LHX1: variants seen among roughly 807,000 people sequenced by gnomAD.
The protein encoded by LHX1 is LIM/homeobox protein Lhx1.
A neutral mutation model predicts 34.1 loss-of-function variants in LHX1; 9 were observed. That is an observed-to-expected ratio of 0.26 (90% CI 0.16 to 0.46). LHX1 has a LOEUF of 0.46. Ranked by LOEUF, LHX1 falls within the 20% of genes least tolerant of loss-of-function variation. The pLI is 1.00. For missense variants in LHX1, 446 were observed against 559.1 expected (o/e 0.80, Z 2.04); for synonymous variants, 254 against 241.5 (o/e 1.05, Z -0.48).
intron 3 of LHX1, chr17:36,941,166 C>T: frequency 1.4e-6 from 1 of 697,206 alleles, no homozygotes; most frequent in Non-Finnish European, 2.6e-6. Context: ...GTTGAACACT[C>T]TGGAGAGAGT....
chr17:36,942,629 C>G, intron 4 of LHX1, 123 bp from the exon 5 acceptor site: 1 of 1,169,660 alleles, frequency 8.5e-7, no homozygotes, highest in South Asian at 1.7e-5. Flanking sequence ...GAGGGCTCCC[C>G]GCGATCCGCG....
chr17:36,943,030 G>A lies in LHX1; in HGVS notation c.1120G>A (p.Gly374Arg). The A allele has an allele frequency of 2.5e-6, 4 of 1,607,380 alleles. No individual in the cohort carries two copies. The highest frequency in any genetic ancestry group is 1.1e-5 in the South Asian group (1 of 90,928). ...GCACTCCATGTCGGCCGAGGTCTTC[G>A]GACCCAGCCCGCCCTTCTCGTCGCT... ...PLHSMSAEVF[G>R]PSPPFSSLSV... The change falls in exon 5 of 5, where the codon GGA becomes AGA. Residue 374 changes from glycine to arginine, a missense_variant. This residue lies in a region of LHX1 where 235 missense variants were observed against 224.4 expected (regional missense o/e 1.05). Transcript: ENST00000614239.
upstream of LHX1, chr17:36,936,975 A>G: frequency 3.9e-6 from 1 of 254,510 alleles, no homozygotes; most frequent in South Asian, 3.0e-5. Context: ...CTGCGCCAGG[A>G]CATTTTTTTT....
chr17:36,942,606 C>A (rs2142185380), intron 4 of LHX1, 146 bp from the exon 5 acceptor site: 3 of 1,010,964 alleles, frequency 3.0e-6, no homozygotes, highest in East Asian at 2.8e-5. Context: ...CTCCTCCCTG[C>A]ACCCAGGCCC....
Position 36,943,745 on chromosome 17 carries a change from C to A in LHX1, c.*614C>A, listed in dbSNP as rs1255236983. 2 of 151,748 alleles carry A rather than the reference C, an allele frequency of 1.3e-5. No homozygotes were observed. The highest frequency in any genetic ancestry group is 6.6e-5 in the Admixed American group (1 of 15,252). 9.4% of individuals were successfully genotyped at this position (151,748 alleles called of 1,614,324 possible). A position where few individuals can be genotyped will look rare whatever the true frequency, so the allele number is the denominator to read the frequency against. ...TCTGGATTTTTGGTTTTTGTTTTTG[C>A]CAAAATTGCAAAATTCTAAATGTAA... On this transcript the variant is annotated 3_prime_UTR_variant, in exon 5 of 5. Transcript: ENST00000614239.
chr17:36,942,701 C>T, intron 4 of LHX1, 51 bp from the exon 5 acceptor site: 1 of 1,440,938 alleles, frequency 6.9e-7, no homozygotes, highest in Non-Finnish European at 9.1e-7. Context: ...TTCGGTCCCG[C>T]CGGCCCCCGG....
At position 36,943,303 on chromosome 17, in the gene LHX1, C is replaced by T; in HGVS notation, c.*172C>T. ...GAAAAGGGGGACACGAAATAGGATCCAAATCGGCCTCGAGGTGGGACTGGG... is the reference window on the plus strand; with the variant it reads ...GAAAAGGGGGACACGAAATAGGATCTAAATCGGCCTCGAGGTGGGACTGGG... On this transcript the variant is annotated 3_prime_UTR_variant, in exon 5 of 5. Transcript: ENST00000614239. The T allele has an allele frequency of 1.2e-6, 1 of 808,660 alleles. No homozygotes were observed. Among genetic ancestry groups the T allele is most frequent in the East Asian group, 2.9e-5 (1 of 34,634 alleles). 50.1% of individuals were successfully genotyped at this position (808,660 alleles called of 1,614,324 possible).
intron 1 of LHX1, 32 bp from the exon 2 acceptor site, chr17:36,940,258 C>CCCGGG: frequency 1.9e-6 from 1 of 528,900 alleles, no homozygotes; most frequent in Non-Finnish European, 3.3e-6. Context: ...GACCCATCCC[C>CCCGGG]GCCCCCGCCC....
At chr17:36,939,197 AATTAT>A (rs1254289889) in intron 1 of LHX1, among the ~76,000 whole-genome samples, 2 of 152,152 alleles carry the variant, frequency 1.3e-5, no homozygotes, top group Non-Finnish European at 2.9e-5. Flanking sequence ...TTAGCATTTT[AATTAT>A]ATTATCGTAC....
At chr17:36,937,300 C>T, upstream of LHX1, 2 of 426,700 alleles carry the variant, frequency 4.7e-6, no homozygotes, top group Non-Finnish European at 4.7e-6. Context: ...GGGAGGGTCG[C>T]CCTGAGGACA....
intron 1 of LHX1, among the ~76,000 whole-genome samples, chr17:36,939,430 A>T (rs1374373617): frequency 6.6e-6 from 1 of 152,194 alleles, no homozygotes; most frequent in African/African-American, 2.4e-5. Context: ...CGCTGTCCCC[A>T]GTGCCGCTCC....
intron 1 of LHX1, chr17:36,939,977 T>C: frequency 1.8e-6 from 1 of 549,280 alleles, no homozygotes; most frequent in East Asian, 3.1e-5. Flanking sequence ...GCATCTTTCC[T>C]CTGGGATAAC....
intron 3 of LHX1, 114 bp from the exon 4 acceptor site, chr17:36,942,086 C>A: frequency 4.0e-6 from 3 of 748,124 alleles, no homozygotes; most frequent in Non-Finnish European, 6.1e-6. Context: ...CACACACAAG[C>A]GCGCGCGCGC....
In LHX1 at chr17:36,940,291, T is replaced by C; in HGVS notation, c.172T>C (p.Cys58Arg). ...CCCCCCACCCCCACCCCCCCGCAGGTGTTTCGGTACCAAATGCGCAGGCTG... is the reference window on the plus strand; with the variant it reads ...CCCCCCACCCCCACCCCCCCGCAGGCGTTTCGGTACCAAATGCGCAGGCTG... ...KLYCKNDFFR[C>R]FGTKCAGCAQ... is the part of the protein sequence containing the mutation. The change falls in exon 2 of 5, where the codon TGT becomes CGT. Residue 58 changes from cysteine (C) to arginine (R), a missense_variant and splice_region_variant. Cys to Arg is a radical substitution (Grantham distance 180, BLOSUM62 -3). This residue lies in a region of LHX1 where 168 missense variants were observed against 226.6 expected (regional missense o/e 0.74). Transcript: ENST00000614239. 1 of 371,688 alleles carries C rather than the reference T, an allele frequency of 2.7e-6. No individual in the cohort carries two copies. The highest frequency in any genetic ancestry group is 3.8e-6 in the Non-Finnish European group (1 of 263,358). The allele number at this position is 371,688 out of a possible 1,614,324, so 23.0% of individuals were successfully genotyped here.
chr17:36,942,899 C>A lies in LHX1; in HGVS notation c.989C>A (p.Pro330Gln). The change falls in exon 5 of 5, where the codon CCG becomes CAG. Residue 330 changes from proline (P) to glutamine (Q), a missense_variant. Pro to Gln is a moderately conservative substitution (Grantham distance 76). Transcript: ENST00000614239. ...ACGCCCCTGGGTGGCCTGGAGCACC[C>A]GCTGCCGGGCCACCACCCGTCGAGC... ...SGTPLGGLEH[P>Q]LPGHHPSSEA... is the part of the protein sequence containing the mutation. 1 of 1,596,268 alleles carries A rather than the reference C, an allele frequency of 6.3e-7. No homozygotes were observed. The highest frequency in any genetic ancestry group is 1.3e-5 in the African/African-American group (1 of 74,760).
At chr17:36,939,576 G>GC (rs1190309843) in intron 1 of LHX1, among the ~76,000 whole-genome samples, 2 of 152,230 alleles carry the variant, frequency 1.3e-5, no homozygotes. Flanking sequence ...CTGGATCATA[G>GC]CGGGAGGGTG....
chr17:36,941,753 G>T (rs2070766490), intron 3 of LHX1, among the ~76,000 whole-genome samples: 1 of 152,240 alleles, frequency 6.6e-6, no homozygotes, highest in East Asian at 1.9e-4. Flanking sequence ...GTGAAAAGGA[G>T]ATTGTAGGTT....
Position 36,939,465 on chromosome 17 carries a change from G to C in LHX1, c.171-825G>C, listed in dbSNP as rs557954262. 1.4e-3 allele frequency among the ~76,000 whole-genome samples: 206 copies of C among 152,350 alleles called. 1 individual carries two copies. The highest frequency in any genetic ancestry group is 1.8e-4 in the Non-Finnish European group (12 of 68,038). ...CAGGACTCGTGGCTGGGGTTGGGTT[G>C]CGTGGAACCATGAAGCAAAGCTCCG... On this transcript the variant is annotated intron_variant, in intron 1 of 4. Coordinates refer to ENST00000614239, the MANE Select transcript of LHX1 (RefSeq NM_005568.5).
chr17:36,940,265 GC>G (rs764010633), intron 1 of LHX1, 24 bp from the exon 2 acceptor site: 5 of 334,708 alleles, frequency 1.5e-5, no homozygotes, highest in East Asian at 4.8e-5. Context: ...CCCCGCCCCC[GC>G]CCCCCACCCC....
Sources: gnomAD v4.1 joint callset for allele counts (sites outside exome capture counted in the v4.1 genomes callset) on GRCh38, gnomAD v4.1.1 for gene constraint, gnomAD v4.1.1 regional missense constraint, MANE v1.5 for transcripts, NCBI Gene and HGNC (gene_info 2026-07-23, HGNC 2026-07-21) for gene names.